Variants in GDPD1 observed in about 807,000 individuals in gnomAD.
GDPD1 encodes lysophospholipase D GDPD1.
In GDPD1, 28 loss-of-function variants were observed where a neutral mutation model predicts 45.1. The ratio of observed to expected loss-of-function variants is 0.62; its 90% CI spans 0.46 to 0.85. GDPD1 has a LOEUF of 0.85. GDPD1 is among the 40% of genes least tolerant of loss of function. The probability of loss-of-function intolerance (pLI) is 0.00; values close to 1 mark genes in which losing one functional copy is unlikely to be tolerated. For synonymous variants in GDPD1, 139 were observed against 131.4 expected (o/e 1.06, Z -0.40); for missense variants, 256 against 364.8 (o/e 0.70, Z 2.43).
chr17:59,266,255 G>T (rs2047398301), intron 6 of GDPD1, among the ~76,000 whole-genome samples: 1 of 151,834 alleles, frequency 6.6e-6, no homozygotes, highest in Non-Finnish European at 1.5e-5. Flanking sequence ...GGGCATGGTG[G>T]TGTGCGCCTG....
At chr17:59,267,268 G>A (rs957850545) in intron 7 of GDPD1, 94 bp downstream of exon 7, 19 of 1,129,060 alleles carry the variant, frequency 1.7e-5, no homozygotes, top group Non-Finnish European at 2.4e-5. Flanking sequence ...ATGAAGAAGA[G>A]ATTTCTGTAG....
intron 7 of GDPD1, among the ~76,000 whole-genome samples, chr17:59,269,352 T>C (rs950390344): frequency 3.3e-5 from 5 of 152,130 alleles, no homozygotes; most frequent in African/African-American, 9.7e-5. Context: ...TTCTATTTCA[T>C]GCCTGTTTTC....
intron 1 of GDPD1, among the ~76,000 whole-genome samples, chr17:59,222,777 A>G (rs1376647663): frequency 6.6e-6 from 1 of 151,994 alleles, no homozygotes; most frequent in Non-Finnish European, 1.5e-5. Context: ...AGCCTCCCAA[A>G]GTGTTGGGAT....
chr17:59,270,891 A>G (rs890139644), intron 7 of GDPD1, 45 bp from the exon 8 acceptor site: 7 of 1,212,482 alleles, frequency 5.8e-6, no homozygotes, highest in Non-Finnish European at 8.4e-6. Context: ...ACACTGATAT[A>G]TTTCTGTGTT....
At chr17:59,225,081 CTTTCT>C (rs1440300318) in intron 1 of GDPD1, among the ~76,000 whole-genome samples, 2 of 139,518 alleles carry the variant, frequency 1.4e-5, no homozygotes, top group Non-Finnish European at 3.1e-5. Context: ...TTATTATTTT[CTTTCT>C]TTTCTTTTTT....
intron 2 of GDPD1, among the ~76,000 whole-genome samples, chr17:59,244,211 C>T (rs2047194848): frequency 6.6e-6 from 1 of 152,172 alleles, no homozygotes; most frequent in Admixed American, 6.5e-5. Context: ...TCTTGCGTCC[C>T]TTCTCCCTTG....
At chr17:59,226,864 A>G (rs1555720973) in intron 1 of GDPD1, among the ~76,000 whole-genome samples, 1 of 151,324 alleles carries the variant, frequency 6.6e-6, no homozygotes, top group Non-Finnish European at 1.5e-5. Context: ...TATTTTTAGT[A>G]GAGACGGGGT....
At chr17:59,230,748 C>G (rs2047083137) in intron 1 of GDPD1, among the ~76,000 whole-genome samples, 1 of 152,120 alleles carries the variant, frequency 6.6e-6, no homozygotes, top group African/African-American at 2.4e-5. Flanking sequence ...TTAGCATCTG[C>G]TGGTCACGAA....
intron 3 of GDPD1, among the ~76,000 whole-genome samples, chr17:59,246,709 CAAAAAAAAAAAA>C (rs749077536): frequency 3.6e-5 from 1 of 27,566 alleles, no homozygotes; most frequent in South Asian, 2.6e-3. Flanking sequence ...GACTCCATCT[CAAAAAAAAAAAA>C]AAAAAAAAAA....
chr17:59,249,405 T>C (rs975882351), intron 4 of GDPD1, among the ~76,000 whole-genome samples: 1 of 151,790 alleles, frequency 6.6e-6, no homozygotes. Context: ...CAAAAAAATA[T>C]ATATAATGAA....
At chr17:59,259,364 G>A (rs982587440) in intron 6 of GDPD1, among the ~76,000 whole-genome samples, 2 of 151,598 alleles carry the variant, frequency 1.3e-5, no homozygotes, top group East Asian at 3.9e-4. Flanking sequence ...TTGGGAGATT[G>A]AGACCATCCT....
chr17:59,241,906 C>A lies in GDPD1; in HGVS notation c.186-3508C>A, dbSNP rs1303166523. Among the ~76,000 whole-genome samples the A allele has an allele frequency of 2.0e-5, 3 of 151,772 alleles. No homozygotes were observed. The East Asian group carries it at 5.9e-4, about 30-fold the overall frequency. Reference sequence around the variant, plus strand: ...TTGTGCCACTCCTCTTTAGCCTGGGCAACAAGAGCAAAACTCCGTCTGAAA... The same window carrying A: ...TTGTGCCACTCCTCTTTAGCCTGGGAAACAAGAGCAAAACTCCGTCTGAAA... On this transcript the variant is annotated intron_variant, in intron 2 of 9. Coordinates refer to ENST00000284116, the MANE Select transcript of GDPD1 (RefSeq NM_182569.4).
At chr17:59,238,161 G>C (rs2147881280) in intron 2 of GDPD1, among the ~76,000 whole-genome samples, 1 of 150,572 alleles carries the variant, frequency 6.6e-6, no homozygotes, top group South Asian at 2.1e-4. Context: ...CCAGCTACTT[G>C]GGAGGCTGAG....
intron 2 of GDPD1, among the ~76,000 whole-genome samples, chr17:59,242,007 A>G (rs1230028128): frequency 6.6e-6 from 1 of 152,176 alleles, no homozygotes; most frequent in Non-Finnish European, 1.5e-5. Flanking sequence ...GGTTGAATAA[A>G]TTGATGTCAA....
At chr17:59,262,579 C>G (rs145719497) in intron 6 of GDPD1, among the ~76,000 whole-genome samples, 48 of 151,360 alleles carry the variant, frequency 3.2e-4, no homozygotes, top group Non-Finnish European at 5.9e-4. Flanking sequence ...GTGGGTACCA[C>G]TACAAGAGAT....
chr17:59,254,727 A>G (rs940629034), intron 4 of GDPD1, among the ~76,000 whole-genome samples: 5 of 152,202 alleles, frequency 3.3e-5, no homozygotes, highest in African/African-American at 1.2e-4. Flanking sequence ...GCCCTCAGAC[A>G]TGACTGATTC....
chr17:59,275,559 C>T lies in GDPD1; in HGVS notation c.*1786C>T. 5.6e-6 allele frequency: 1 copy of T among 177,446 alleles called. No homozygotes were observed. Among genetic ancestry groups the T allele is most frequent in the Non-Finnish European group, 1.2e-5 (1 of 82,742 alleles). The allele number at this position is 177,446 out of a possible 1,614,324, so 11.0% of individuals were successfully genotyped here. ...TGGCACTGACTAACTGAGCCTACATCTAGATTTTAAATACCATCTTGAATC... is the reference window on the plus strand; with the variant it reads ...TGGCACTGACTAACTGAGCCTACATTTAGATTTTAAATACCATCTTGAATC... On this transcript the variant is annotated 3_prime_UTR_variant, in exon 10 of 10. Coordinates refer to ENST00000284116, the MANE Select transcript of GDPD1 (RefSeq NM_182569.4).
In GDPD1 at chr17:59,265,520, G is replaced by A. The variant is rs554185685; in HGVS notation, c.577-1521G>A. ...CCACTGTACTCTAGCCTGGGTGACAGCGAGACCCTGTCTAATATATATATA... is the reference window on the plus strand; with the variant it reads ...CCACTGTACTCTAGCCTGGGTGACAACGAGACCCTGTCTAATATATATATA... On this transcript the variant is annotated intron_variant, in intron 6 of 9. Transcript: ENST00000284116. Among the ~76,000 whole-genome samples the A allele has an allele frequency of 1.4e-4, 21 of 151,916 alleles. 1 individual carries two copies. In the South Asian group the frequency reaches 3.5e-3, roughly 26 times the overall value.
intron 1 of GDPD1, among the ~76,000 whole-genome samples, chr17:59,222,505 C>CTTTTTGTTTTTTTTT (rs2047013516): frequency 2.4e-5 from 1 of 41,754 alleles, no homozygotes; most frequent in Non-Finnish European, 4.6e-5. Flanking sequence ...AGTGCCCAGC[C>CTTTTTGTTTTTTTTT]TTTTTTTTTT....
Sources: gnomAD v4.1 joint callset for allele counts (sites outside exome capture counted in the v4.1 genomes callset) on GRCh38, gnomAD v4.1.1 for gene constraint, MANE v1.5 for transcripts, NCBI Gene and HGNC (gene_info 2026-07-23, HGNC 2026-07-21) for gene names.